Variants in C3orf85 observed in about 807,000 individuals in gnomAD.
C3orf85 encodes uncharacterized protein C3orf85.
A neutral mutation model predicts 1.7 loss-of-function variants in C3orf85; 1 was observed. That is an observed-to-expected ratio of 0.60 (90% CI 0.21 to 2.86). The LOEUF is 2.86. Ranked by LOEUF, C3orf85 falls within the 30% of genes most tolerant of loss-of-function variation. The pLI is 0.22. For synonymous variants in C3orf85, 17 were observed against 8.0 expected, an observed-to-expected ratio of 2.13 and a Z score of -1.90; for missense variants, 29 against 21.3, an observed-to-expected ratio of 1.36 and a Z score of -0.72.
intron 2 of C3orf85, among the ~76,000 whole-genome samples, chr3:109,138,148 C>G (rs567805297): frequency 3.4e-4 from 52 of 152,180 alleles, no homozygotes; most frequent in Non-Finnish European, 6.9e-4. Flanking sequence ...TTTACTTCAA[C>G]TCCAACTGAG....
At chr3:109,140,297 C>T (rs573716835) in intron 2 of C3orf85, among the ~76,000 whole-genome samples, 3 of 152,178 alleles carry the variant, frequency 2.0e-5, no homozygotes, top group East Asian at 1.9e-4. Context: ...ATTTATTGGA[C>T]GAAAAGGAAA....
chr3:109,146,708 G>A (rs1706802860), intron 2 of C3orf85, among the ~76,000 whole-genome samples: 1 of 152,160 alleles, frequency 6.6e-6, no homozygotes, highest in Admixed American at 6.5e-5. Flanking sequence ...CAAAAGAGGG[G>A]CAAGGCAGAA....
In C3orf85 at chr3:109,149,929, T is replaced by A. The variant is rs941291998; in HGVS notation, c.*35T>A. 1 of 397,826 alleles carries A rather than the reference T, an allele frequency of 2.5e-6. No individual in the cohort carries two copies. The highest frequency in any genetic ancestry group is 2.1e-5 in the African/African-American group (1 of 48,580). The allele number at this position is 397,826 out of a possible 1,614,324, so 24.6% of individuals were successfully genotyped here. On this transcript the variant is annotated 3_prime_UTR_variant, in exon 4 of 4. Coordinates refer to ENST00000622536, the MANE Select transcript of C3orf85 (RefSeq NM_001351622.2). The stretch of plus-strand genomic sequence containing the variant: ...CCTGGTTAAAGCAGGAGGATGAAGA[T>A]GGCAGAGGTTGGAATGGCATTGTGC...
intron 2 of C3orf85, among the ~76,000 whole-genome samples, chr3:109,137,112 A>C (rs1204544653): frequency 6.8e-6 from 1 of 147,934 alleles, no homozygotes; most frequent in Non-Finnish European, 1.5e-5. Context: ...TTTATTTCTA[A>C]TTATATATTA....
At chr3:109,137,626 T>TGC (rs1706692430) in intron 2 of C3orf85, among the ~76,000 whole-genome samples, 1 of 79,236 alleles carries the variant, frequency 1.3e-5, no homozygotes. Context: ...TATATGTGTG[T>TGC]GTGTGTGTGT....
Position 109,136,759 on chromosome 3 carries a change from T to C in C3orf85, c.-5+18T>C, listed in dbSNP as rs1559967872. 2.5e-6 allele frequency: 1 copy of C among 400,292 alleles called. No individual in the cohort carries two copies. The highest frequency in any genetic ancestry group is 4.4e-5 in the Admixed American group (1 of 22,760). 24.8% of individuals were successfully genotyped at this position (400,292 alleles called of 1,614,324 possible). A position where few individuals can be genotyped will look rare whatever the true frequency, so the allele number is the denominator to read the frequency against. On this transcript the variant is annotated intron_variant, in intron 1 of 3. Transcript: ENST00000622536. ...GCTTCCAGGTATGCAACAAATGCTT[T>C]ATACTTCTGAAAAGTACCTGATATA...
At chr3:109,144,745 T>C (rs1389215631) in intron 2 of C3orf85, among the ~76,000 whole-genome samples, 1 of 152,206 alleles carries the variant, frequency 6.6e-6, no homozygotes, top group Non-Finnish European at 1.5e-5. Flanking sequence ...CAAGTAACAC[T>C]ATCTTAAGCA....
rs1325156649 is a variant in C3orf85 at position 109,150,661 on chromosome 3, T to A, written c.*767T>A. 6.6e-6 allele frequency: 1 copy of A among 152,188 alleles called. No homozygotes were observed. Among genetic ancestry groups the A allele is most frequent in the East Asian group, 1.9e-4 (1 of 5,198 alleles). The allele number at this position is 152,188 out of a possible 1,614,324, so 9.4% of individuals were successfully genotyped here. ...AAGTGGACTGCATTTATCCTATAAC[T>A]TTCCTAATATTCATGGATTACCACC... On this transcript the variant is annotated 3_prime_UTR_variant, in exon 4 of 4. Transcript: ENST00000622536.
At chr3:109,137,462 A>ATT (rs1164695714) in intron 2 of C3orf85, among the ~76,000 whole-genome samples, 1 of 151,732 alleles carries the variant, frequency 6.6e-6, no homozygotes, top group Admixed American at 6.6e-5. Context: ...AAAGATATAA[A>ATT]TTATCTTCAT....
chr3:109,140,312 T>TACAACAACAC (rs1706731205), intron 2 of C3orf85, among the ~76,000 whole-genome samples: 1 of 152,134 alleles, frequency 6.6e-6, no homozygotes, highest in African/African-American at 2.4e-5. Context: ...AGGAAAACGG[T>TACAACAACAC]AAAACAACAC....
Position 109,150,154 on chromosome 3 carries a change from G to A in C3orf85, c.*260G>A, listed in dbSNP as rs200673230. ...CTGTAGTAATAACATTTACCAAAAC[G>A]ATGGCATTTATGGGAAAAGGAAAGC... On this transcript the variant is annotated 3_prime_UTR_variant, in exon 4 of 4. Transcript: ENST00000622536. The A allele has an allele frequency of 1.0e-4, 22 of 219,094 alleles. No homozygotes were observed. The highest frequency in any genetic ancestry group is 4.6e-4 in the African/African-American group (20 of 43,352). 13.6% of individuals were successfully genotyped at this position (219,094 alleles called of 1,614,324 possible).
At chr3:109,143,029 A>G (rs934801156) in intron 2 of C3orf85, among the ~76,000 whole-genome samples, 1 of 152,210 alleles carries the variant, frequency 6.6e-6, no homozygotes, top group Non-Finnish European at 1.5e-5. Context: ...TTTACTCTCA[A>G]GAGAAGAAGA....
chr3:109,148,182 C>G (rs991987989), intron 2 of C3orf85, 71 bp from the exon 3 acceptor site: 1 of 646,376 alleles, frequency 1.5e-6, no homozygotes, highest in Non-Finnish European at 2.8e-6. Context: ...AGCTGGGTCT[C>G]TTGAAGAGGA....
rs57306274 is a variant in C3orf85, at chr3:109,150,114, T to TA, written c.*232dup. The TA allele has an allele frequency of 0.016, 3,853 of 233,632 alleles. 89 individuals are homozygous for TA. Among genetic ancestry groups the TA allele is most frequent in the African/African-American group, 0.074 (2,906 of 39,396 alleles). 14.5% of individuals were successfully genotyped at this position (233,632 alleles called of 1,614,324 possible). On this transcript the variant is annotated 3_prime_UTR_variant, in exon 4 of 4. Coordinates refer to ENST00000622536, the MANE Select transcript of C3orf85 (RefSeq NM_001351622.2). ...AAATGGTAGTTCTCAAAAAAAGAAC[T>TA]AAAAAAAAAAAAGGCTGTAGTAATA...
rs1056824124 is a variant in C3orf85, at chr3:109,137,649, A to G, written c.49+753A>G. Among the ~76,000 whole-genome samples the G allele has an allele frequency of 1.7e-4, 24 of 141,834 alleles. 1 individual carries two copies. Among genetic ancestry groups the G allele is most frequent in the Admixed American group, 7.9e-4 (11 of 14,010 alleles). 93.0% of individuals were successfully genotyped at this position (141,834 alleles called of 152,430 possible). Reference sequence around the variant, plus strand: ...TGTGTGTGTGTGTGTATATATATATATATATATATATATATATATAAAATA... The same window carrying G: ...TGTGTGTGTGTGTGTATATATATATGTATATATATATATATATATAAAATA... On this transcript the variant is annotated intron_variant, in intron 2 of 3. Coordinates refer to ENST00000622536, the MANE Select transcript of C3orf85 (RefSeq NM_001351622.2).
intron 2 of C3orf85, among the ~76,000 whole-genome samples, chr3:109,143,143 C>A (rs187680296): frequency 7.2e-5 from 11 of 152,254 alleles, no homozygotes; most frequent in South Asian, 2.1e-4. Context: ...TGAAGAGGGG[C>A]CTAGGCTTAC....
At chr3:109,143,750 A>G (rs1706766458) in intron 2 of C3orf85, among the ~76,000 whole-genome samples, 1 of 152,218 alleles carries the variant, frequency 6.6e-6, no homozygotes, top group Non-Finnish European at 1.5e-5. Context: ...TTCACAGAAT[A>G]AAAAATGGAA....
chr3:109,144,790 A>G (rs988637168), intron 2 of C3orf85, among the ~76,000 whole-genome samples: 1 of 152,200 alleles, frequency 6.6e-6, no homozygotes, highest in Admixed American at 6.5e-5. Context: ...TATAAATCAT[A>G]TCCTAAGCAT....
intron 3 of C3orf85, chr3:109,149,453 A>C (rs560750513): frequency 6.0e-6 from 1 of 166,356 alleles, no homozygotes; most frequent in African/African-American, 2.4e-5. Flanking sequence ...TTATTTGGTC[A>C]ATTAAGTGAT....
Sources: allele counts gnomAD v4.1 joint callset (sites outside exome capture counted in the v4.1 genomes callset), GRCh38; gene constraint gnomAD v4.1.1; transcripts MANE v1.5; gene names NCBI Gene and HGNC (gene_info 2026-07-23, HGNC 2026-07-21).